Variants in SEMA5A observed in about 807,000 individuals in gnomAD.
SEMA5A encodes the protein semaphorin 5A, also known as semaphorin-5A.
A neutral mutation model predicts 135.5 loss-of-function variants in SEMA5A; 55 were observed. The ratio of observed to expected loss-of-function variants is 0.41; its 90% confidence interval spans 0.33 to 0.51. SEMA5A has a LOEUF of 0.51. Ranked by LOEUF, SEMA5A falls within the 20% of genes least tolerant of loss-of-function variation. The probability of loss-of-function intolerance (pLI) is 0.37; values close to 1 mark genes in which losing one functional copy is unlikely to be tolerated. For missense variants in SEMA5A, 1,290 were observed against 1,419.9 expected (o/e 0.91, Z 1.47); for synonymous variants, 580 against 546.5 (o/e 1.06, Z -0.85).
Position 9,040,701 on chromosome 5 carries a change from G to A in SEMA5A, c.*2196C>T, listed in dbSNP as rs1446682760. On this transcript the variant is annotated 3_prime_UTR_variant, in exon 23 of 23. Coordinates refer to ENST00000382496, the MANE Select transcript of SEMA5A (RefSeq NM_003966.3). ...TAGTGAGGGAGGGTGTTTTTCCCAA[G>A]TCATTGCAAAAGACTCATTAAAGAC... 6.6e-6 allele frequency: 1 copy of A among 152,132 alleles called. No individual in the cohort carries two copies. The highest frequency in any genetic ancestry group is 1.5e-5 in the Non-Finnish European group (1 of 68,016). 9.4% of individuals were successfully genotyped at this position (152,132 alleles called of 1,614,324 possible).
At chr5:9,390,823 TA>T (rs1435113948) in intron 2 of SEMA5A, 1 of 151,946 alleles carries the variant, frequency 6.6e-6, no homozygotes, top group East Asian at 1.9e-4. Flanking sequence ...AACTAGACAA[TA>T]AAAAAGATGC....
intron 4 of SEMA5A, among the ~76,000 whole-genome samples, chr5:9,322,139 G>A (rs760216627): frequency 1.1e-4 from 16 of 152,174 alleles, no homozygotes; most frequent in Admixed American, 2.6e-4. Context: ...TAAAAAATAC[G>A]CCACTTTCTC....
chr5:9,240,795 A>G (rs796144797), intron 5 of SEMA5A, among the ~76,000 whole-genome samples: 1 of 152,072 alleles, frequency 6.6e-6, no homozygotes, highest in Non-Finnish European at 1.5e-5. Flanking sequence ...ATTATAGAAC[A>G]AGTCTCACTA....
intron 1 of SEMA5A, among the ~76,000 whole-genome samples, chr5:9,522,574 T>C (rs944488191): frequency 6.6e-6 from 1 of 151,784 alleles, no homozygotes; most frequent in African/African-American, 2.4e-5. Flanking sequence ...CAAAACTCCA[T>C]CTCAAAAAAA....
In SEMA5A at chr5:9,036,332, C is replaced by T. The variant is rs911690964; in HGVS notation, c.*6565G>A. On this transcript the variant is annotated 3_prime_UTR_variant, in exon 23 of 23. Transcript: ENST00000382496. ...TCTTAACCCAAATTAAGAGTGACAACTTTTGTGAACTTGTGAAGCAGTTTT... is the reference window on the plus strand; with the variant it reads ...TCTTAACCCAAATTAAGAGTGACAATTTTTGTGAACTTGTGAAGCAGTTTT... The T allele has an allele frequency of 3.3e-5, 5 of 152,158 alleles. No individual in the cohort carries two copies. Among genetic ancestry groups the T allele is most frequent in the African/African-American group, 1.2e-4 (5 of 41,442 alleles). The allele number at this position is 152,158 out of a possible 1,614,324, so 9.4% of individuals were successfully genotyped here.
intron 15 of SEMA5A, among the ~76,000 whole-genome samples, chr5:9,116,174 A>G (rs1740503009): frequency 6.6e-6 from 1 of 152,186 alleles, no homozygotes; most frequent in Non-Finnish European, 1.5e-5. Context: ...TGAGGCCCCA[A>G]GCAGAGGATC....
At chr5:9,111,325 C>A (rs999885043) in intron 15 of SEMA5A, among the ~76,000 whole-genome samples, 6 of 151,814 alleles carry the variant, frequency 4.0e-5, no homozygotes, top group Non-Finnish European at 8.8e-5. Flanking sequence ...CAGAGGGAAA[C>A]CTTACCAAAA....
intron 1 of SEMA5A, among the ~76,000 whole-genome samples, chr5:9,448,445 G>T (rs893102658): frequency 6.6e-6 from 1 of 152,168 alleles, no homozygotes; most frequent in Non-Finnish European, 1.5e-5. Context: ...CAGGGAGTTA[G>T]CCCCGCCCCT....
intron 1 of SEMA5A, among the ~76,000 whole-genome samples, chr5:9,452,374 C>T (rs1410534541): frequency 2.0e-5 from 3 of 152,154 alleles, no homozygotes; most frequent in African/African-American, 4.8e-5. Flanking sequence ...TCCAAAGCTG[C>T]CCTAGCCCTG....
chr5:9,467,163 A>C (rs1316787607), intron 1 of SEMA5A, among the ~76,000 whole-genome samples: 3 of 151,784 alleles, frequency 2.0e-5, no homozygotes, highest in Non-Finnish European at 4.4e-5. Context: ...CCCAGGCTGG[A>C]GTGCAGTGGT....
intron 1 of SEMA5A, among the ~76,000 whole-genome samples, chr5:9,445,087 A>G (rs979853607): frequency 1.2e-4 from 19 of 152,336 alleles, no homozygotes; most frequent in African/African-American, 3.4e-4. Flanking sequence ...GCATTCCAAT[A>G]AGCAAATAAA....
chr5:9,255,213 G>A (rs1473583184), intron 5 of SEMA5A, among the ~76,000 whole-genome samples: 40 of 152,188 alleles, frequency 2.6e-4, no homozygotes, highest in Admixed American at 2.6e-3. Context: ...TGATGTAAGT[G>A]TGGCTCAGAT....
In SEMA5A at chr5:9,384,567, G is replaced by C. The variant is rs9687180; in HGVS notation, c.-77-4544C>G. On this transcript the variant is annotated intron_variant, in intron 2 of 22. Coordinates refer to ENST00000382496, the MANE Select transcript of SEMA5A (RefSeq NM_003966.3). ...AGATAGATAGATAGATAGATAGATAGATACATAGATAGATAGATAGATAGA... is the reference window on the plus strand; with the variant it reads ...AGATAGATAGATAGATAGATAGATACATACATAGATAGATAGATAGATAGA... Among the ~76,000 whole-genome samples the C allele has an allele frequency of 4.3e-3, 445 of 102,934 alleles. 10 individuals carry two copies. Among genetic ancestry groups the C allele is most frequent in the African/African-American group, 7.7e-3 (220 of 28,574 alleles). 67.5% of individuals were successfully genotyped at this position (102,934 alleles called of 152,430 possible). A position where few individuals can be genotyped will look rare whatever the true frequency, so the allele number is the denominator to read the frequency against.
intron 16 of SEMA5A, among the ~76,000 whole-genome samples, chr5:9,085,708 GC>G (rs1230034760): frequency 6.6e-6 from 1 of 152,190 alleles, no homozygotes; most frequent in Non-Finnish European, 1.5e-5. Context: ...TGGGGTCAGA[GC>G]CCCCTCACAG....
intron 2 of SEMA5A, among the ~76,000 whole-genome samples, chr5:9,386,688 C>T (rs1755907549): frequency 6.6e-6 from 1 of 152,212 alleles, no homozygotes. Flanking sequence ...ACCACTGCTT[C>T]CACGTGAAAG....
At chr5:9,377,523 AAT>A (rs1189637061) in intron 3 of SEMA5A, among the ~76,000 whole-genome samples, 2 of 152,166 alleles carry the variant, frequency 1.3e-5, no homozygotes, top group Non-Finnish European at 1.5e-5. Context: ...TTTCCAGTGA[AAT>A]ATATACGCGA....
intron 2 of SEMA5A, among the ~76,000 whole-genome samples, chr5:9,427,307 C>T (rs1204993705): frequency 6.6e-6 from 1 of 151,652 alleles, no homozygotes; most frequent in East Asian, 1.9e-4. Flanking sequence ...AAGACTCTGT[C>T]TCGGGGGGGA....
chr5:9,258,299 T>A (rs1160388551), intron 5 of SEMA5A, among the ~76,000 whole-genome samples: 2 of 152,200 alleles, frequency 1.3e-5, no homozygotes, highest in Admixed American at 1.3e-4. Flanking sequence ...TACTATGCAA[T>A]GAACATCTTG....
chr5:9,433,320 GT>G (rs1278690153), intron 2 of SEMA5A, among the ~76,000 whole-genome samples: 1 of 152,026 alleles, frequency 6.6e-6, no homozygotes, highest in Non-Finnish European at 1.5e-5. Context: ...AGATGAAAAT[GT>G]TTTGTTTTAT....
Sources: allele counts gnomAD v4.1 joint callset (sites outside exome capture counted in the v4.1 genomes callset), GRCh38; gene constraint gnomAD v4.1.1; transcripts MANE v1.5; gene names NCBI Gene and HGNC (gene_info 2026-07-23, HGNC 2026-07-21).